The following CCDC7 variants were observed in gnomAD, a reference collection of about 807,000 sequenced individuals.
CCDC7 encodes the protein coiled-coil domain containing 7.
CCDC7 carries 183 observed loss-of-function variants against 196.9 expected under a neutral mutation model. The observed-to-expected ratio is 0.93, with a 90% CI of 0.82 to 1.05. CCDC7 has a LOEUF of 1.05. CCDC7 is among the 50% of genes least tolerant of loss of function. The probability of loss-of-function intolerance (pLI) is 0.00; values close to 1 mark genes in which losing one functional copy is unlikely to be tolerated. For missense variants in CCDC7, 1,540 were observed against 1,482.2 expected (o/e 1.04, Z -0.64); for synonymous variants, 525 against 484.6 (o/e 1.08, Z -1.10).
chr10:32,850,808 CACACACACACAG>C (rs1306343920), intron 39 of CCDC7, among the ~76,000 whole-genome samples: 22 of 109,250 alleles, frequency 2.0e-4, no homozygotes, highest in Non-Finnish European at 4.2e-4. Flanking sequence ...CACACACACA[CACACACACACAG>C]AGACATGCAA....
chr10:32,639,683 A>G (rs1216344240), intron 20 of CCDC7, among the ~76,000 whole-genome samples: 29 of 148,134 alleles, frequency 2.0e-4, no homozygotes, highest in Non-Finnish European at 8.9e-5. Context: ...GCTGGAGTGC[A>G]GTGGCACGAT....
intron 18 of CCDC7, among the ~76,000 whole-genome samples, chr10:32,613,988 C>T (rs1211272848): frequency 2.6e-5 from 4 of 152,110 alleles, no homozygotes; most frequent in African/African-American, 7.2e-5. Flanking sequence ...TCTCATTGAT[C>T]TAATATTGAC....
chr10:32,459,374 T>A (rs1418654669), intron 3 of CCDC7, among the ~76,000 whole-genome samples: 1 of 151,794 alleles, frequency 6.6e-6, no homozygotes, highest in Non-Finnish European at 1.5e-5. Context: ...AGTGGGAACC[T>A]CTAGAGAGCT....
exon 32 of CCDC7, chr10:32,824,587 A>C (rs780565689): frequency 1.9e-6 from 3 of 1,610,392 alleles, no homozygotes; most frequent in East Asian, 4.5e-5. Flanking sequence ...ACGCAGTTAA[A>C]GAGAAAGAGT....
intron 9 of CCDC7, among the ~76,000 whole-genome samples, chr10:32,501,626 A>G (rs989680386): frequency 6.6e-5 from 10 of 152,210 alleles, no homozygotes; most frequent in Middle Eastern, 6.8e-3. Flanking sequence ...AGTTTGCTGG[A>G]GGTCCACTCC....
At chr10:32,726,765 A>T (rs765199889) in exon 26 of CCDC7, 13 of 1,603,028 alleles carry the variant, frequency 8.1e-6, no homozygotes, top group African/African-American at 2.7e-5. Flanking sequence ...TTGTTCATCA[A>T]GATTCAGTGT....
chr10:32,779,066 G>A (rs267602473), exon 29 of CCDC7: 2 of 1,548,588 alleles, frequency 1.3e-6, no homozygotes, highest in Middle Eastern at 1.7e-4. Context: ...AATTCAATTT[G>A]ATTTAAACAA....
intron 18 of CCDC7, among the ~76,000 whole-genome samples, chr10:32,595,511 A>AT (rs1309280415): frequency 6.6e-6 from 1 of 151,978 alleles, no homozygotes; most frequent in Non-Finnish European, 1.5e-5. Context: ...GGATTCATTG[A>AT]TTTTTTGAAG....
chr10:32,835,776 C>A (rs2092553428), intron 33 of CCDC7, among the ~76,000 whole-genome samples: 1 of 151,944 alleles, frequency 6.6e-6, no homozygotes, highest in South Asian at 2.1e-4. Context: ...GTACAACAAA[C>A]CCCCATGACA....
At chr10:32,452,971 C>T (rs1564611578) in intron 1 of CCDC7, among the ~76,000 whole-genome samples, 1 of 152,130 alleles carries the variant, frequency 6.6e-6, no homozygotes, top group African/African-American at 2.4e-5. Context: ...TCATTGCTTT[C>T]TGGTCTCCAT....
intron 13 of CCDC7, among the ~76,000 whole-genome samples, chr10:32,553,201 C>T (rs1199275570): frequency 6.8e-6 from 1 of 148,056 alleles, no homozygotes; most frequent in African/African-American, 2.5e-5. Flanking sequence ...TCTACTTGTT[C>T]AGTTCTATTG....
intron 40 of CCDC7, among the ~76,000 whole-genome samples, chr10:32,853,641 G>C (rs1166980477): frequency 6.6e-6 from 1 of 152,116 alleles, no homozygotes; most frequent in Admixed American, 6.6e-5. Flanking sequence ...GTTTTTAGCA[G>C]TGTTCAAAAT....
intron 28 of CCDC7, among the ~76,000 whole-genome samples, chr10:32,759,938 A>G (rs1211113227): frequency 3.9e-5 from 6 of 152,234 alleles, no homozygotes; most frequent in Middle Eastern, 3.4e-3. Flanking sequence ...GGCGAAGGAT[A>G]TGAACAGACA....
At chr10:32,757,345 G>C (rs1470039247) in intron 28 of CCDC7, among the ~76,000 whole-genome samples, 1 of 152,076 alleles carries the variant, frequency 6.6e-6, no homozygotes, top group Non-Finnish European at 1.5e-5. Flanking sequence ...TAACCACATA[G>C]TTGGAAGCAA....
downstream of CCDC7, chr10:32,877,026 A>T (rs1157359062): frequency 6.6e-6 from 1 of 152,078 alleles, no homozygotes; most frequent in Non-Finnish European, 1.5e-5. Flanking sequence ...CCCAGCAAGA[A>T]TCAGAGGAAT....
intron 20 of CCDC7, among the ~76,000 whole-genome samples, chr10:32,641,316 C>CA (rs2066757655): frequency 6.6e-6 from 1 of 152,232 alleles, no homozygotes; most frequent in African/African-American, 2.4e-5. Flanking sequence ...GGTCTTTTCA[C>CA]ATAGTCCCAT....
chr10:32,592,681 T>A (rs908391335), intron 18 of CCDC7, among the ~76,000 whole-genome samples: 3 of 152,166 alleles, frequency 2.0e-5, no homozygotes, highest in African/African-American at 7.2e-5. Context: ...GTATATCTCC[T>A]AATGCTATCC....
intron 28 of CCDC7, among the ~76,000 whole-genome samples, chr10:32,763,610 T>G (rs1455611725): frequency 6.6e-6 from 1 of 151,822 alleles, no homozygotes; most frequent in African/African-American, 2.4e-5. Context: ...GATAAAGAAA[T>G]TGTGGTGTTC....
At chr10:32,811,771 T>C (rs1441504592) in intron 30 of CCDC7, among the ~76,000 whole-genome samples, 1 of 151,782 alleles carries the variant, frequency 6.6e-6, no homozygotes, top group Non-Finnish European at 1.5e-5. Context: ...CATAAAAAAA[T>C]AAAAGTACAA....
Sources: allele counts gnomAD v4.1 joint callset (sites outside exome capture counted in the v4.1 genomes callset), GRCh38; gene constraint gnomAD v4.1.1; transcripts MANE v1.5; gene names NCBI Gene and HGNC (gene_info 2026-07-23, HGNC 2026-07-21).